SCN1A: variants seen among roughly 807,000 people sequenced by gnomAD.
SCN1A encodes the protein sodium voltage-gated channel alpha subunit 1, also known as sodium channel protein type 1 subunit alpha.
In SCN1A, 13 loss-of-function variants were observed where a neutral mutation model predicts 193.7. The observed-to-expected ratio is 0.07, with a 90% confidence interval of 0.04 to 0.11. The LOEUF (loss-of-function observed/expected upper bound fraction) is 0.11, where lower values mean the gene tolerates loss of function less well. SCN1A is among the 10% of genes least tolerant of loss of function. The probability of loss-of-function intolerance (pLI) is 1.00; values close to 1 mark genes in which losing one functional copy is unlikely to be tolerated. For missense variants in SCN1A, 1,432 were observed against 2,451.1 expected, an observed-to-expected ratio of 0.58 and a Z score of 8.78; for synonymous variants, 781 against 843.6, an observed-to-expected ratio of 0.93 and a Z score of 1.29.
At chr2:166,016,949 A>C (rs1370466009) in intron 19 of SCN1A, among the ~76,000 whole-genome samples, 4 of 151,158 alleles carry the variant, frequency 2.6e-5, no homozygotes, top group Non-Finnish European at 4.4e-5. Context: ...ATTTCAGTAA[A>C]AGTTTCACCG....
chr2:166,030,484 T>C (rs1695419378), intron 19 of SCN1A, among the ~76,000 whole-genome samples: 1 of 148,160 alleles, frequency 6.7e-6, no homozygotes. Flanking sequence ...ATAATTACTT[T>C]AGTAATGTGC....
chr2:166,135,842 T>C (rs963946892), intron 1 of SCN1A, among the ~76,000 whole-genome samples: 1 of 152,328 alleles, frequency 6.6e-6, no homozygotes. Context: ...GCTTCTGGGA[T>C]TGCCCCTATT....
At chr2:166,008,870 AT>A (rs1208657207) in intron 23 of SCN1A, among the ~76,000 whole-genome samples, 3 of 150,876 alleles carry the variant, frequency 2.0e-5, no homozygotes, top group African/African-American at 7.3e-5. Context: ...AGCAGAACTA[AT>A]TTTTTATATT....
At position 166,036,469 on chromosome 2, in the gene SCN1A, G is replaced by A. The variant is rs1343188948; in HGVS notation, c.3008C>T (p.Thr1003Ile). The change falls in exon 19 of 29, where the codon ACT becomes ATT. Residue 1003 changes from threonine to isoleucine, a missense_variant. By Grantham distance (89) the Thr-to-Ile change is moderately conservative. This residue lies in a region of SCN1A where 13 missense variants were observed against 20.6 expected (regional missense o/e 0.63). Transcript: ENST00000674923. ...ATTATTCATTTCATTATCATCATCAGTGGCTGCAAGGTTGTCTGCACTAAA... is the reference window on the plus strand; with the variant it reads ...ATTATTCATTTCATTATCATCATCAATGGCTGCAAGGTTGTCTGCACTAAA... ...SSFSADNLAA[T>I]DDDNEMNNLQ... is the part of the protein sequence containing the mutation. The A allele has an allele frequency of 9.9e-6, 16 of 1,611,606 alleles. No homozygotes were observed. Among genetic ancestry groups the A allele is most frequent in the Non-Finnish European group, 1.4e-5 (16 of 1,179,332 alleles).
At position 166,061,249 on chromosome 2, in the gene SCN1A, A is replaced by G. The variant is rs78509374; in HGVS notation, c.265-2561T>C. 5.3e-3 allele frequency among the ~76,000 whole-genome samples: 803 copies of G among 152,280 alleles called. 5 individuals are homozygous for G. The highest frequency in any genetic ancestry group is 0.013 in the East Asian group (69 of 5,176). ...ACCAAAACAGAAAAGACAGACAAGG[A>G]GTGGTAAAGTAAAAGGCAAAGCTAG... On this transcript the variant is annotated intron_variant, in intron 4 of 28. Coordinates refer to ENST00000674923, the MANE Select transcript of SCN1A (RefSeq NM_001165963.4).
At position 166,039,503 on chromosome 2, in the gene SCN1A, C is replaced by T. The variant is rs779561135; in HGVS notation, c.2509G>A (p.Gly837Ser). 2.4e-5 allele frequency: 39 copies of T among 1,613,180 alleles called. No individual in the cohort carries two copies. The highest frequency in any genetic ancestry group is 1.1e-4 in the South Asian group (10 of 91,060). Residue 837 changes from glycine to serine, a missense_variant, in exon 17 of 29, where the codon GGT (glycine) becomes AGT (serine). Coordinates refer to ENST00000674923, the MANE Select transcript of SCN1A (RefSeq NM_001165963.4). The part of the protein sequence containing the change: ...YFQEGWNIFD[G>S]FIVTLSLVEL... ...ACCAGGCTAAGCGTCACAATAAAAC[C>T]GTCAAAGATATTCCAGCCTTCTTGG...
At chr2:166,025,523 C>CA (rs2105718127) in intron 19 of SCN1A, among the ~76,000 whole-genome samples, 1 of 152,324 alleles carries the variant, frequency 6.6e-6, no homozygotes, top group South Asian at 2.1e-4. Flanking sequence ...CACCCAGCAT[C>CA]ATCCCCCTTT....
At chr2:166,086,246 C>T (rs1559307160) in intron 2 of SCN1A, among the ~76,000 whole-genome samples, 1 of 152,146 alleles carries the variant, frequency 6.6e-6, no homozygotes, top group Non-Finnish European at 1.5e-5. Context: ...GACTCCCCCA[C>T]TGACATGGAC....
At chr2:166,070,538 G>A (rs1394623524) in intron 4 of SCN1A, among the ~76,000 whole-genome samples, 1 of 152,102 alleles carries the variant, frequency 6.6e-6, no homozygotes, top group Non-Finnish European at 1.5e-5. Flanking sequence ...AGTTTATAAG[G>A]GTTTCCTCGA....
At chr2:166,120,604 T>C (rs867407384) in intron 2 of SCN1A, among the ~76,000 whole-genome samples, 3 of 52,044 alleles carry the variant, frequency 5.8e-5, no homozygotes, top group South Asian at 8.2e-4. Context: ...CTCTTTTTTT[T>C]TTTTTTTTTT....
At chr2:166,004,216 A>G (rs1453462619) in intron 23 of SCN1A, among the ~76,000 whole-genome samples, 2 of 151,590 alleles carry the variant, frequency 1.3e-5, no homozygotes, top group African/African-American at 4.8e-5. Flanking sequence ...CTTTCAGATT[A>G]GAGATTTGGA....
chr2:165,998,286 T>C (rs1690364897), intron 25 of SCN1A, 111 bp from the exon 26 acceptor site: 1 of 385,314 alleles, frequency 2.6e-6, no homozygotes, highest in Non-Finnish European at 4.1e-6. Flanking sequence ...TATGTCAGCA[T>C]TTTTTTTTTT....
At chr2:166,148,706 C>T (rs1311038955) in intron 1 of SCN1A, among the ~76,000 whole-genome samples, 1 of 152,278 alleles carries the variant, frequency 6.6e-6, no homozygotes, top group East Asian at 1.9e-4. Context: ...GGCAACGTAA[C>T]AGCCAAGAAC....
At chr2:166,097,144 C>T (rs1456660698) in intron 2 of SCN1A, among the ~76,000 whole-genome samples, 1 of 151,958 alleles carries the variant, frequency 6.6e-6, no homozygotes, top group Admixed American at 6.6e-5. Context: ...GGCTTAGCCT[C>T]CCAAGTAGCT....
rs988839741 is a variant in SCN1A, at chr2:165,986,988, A to T, written c.*4257T>A. On this transcript the variant is annotated 3_prime_UTR_variant, in exon 29 of 29. Coordinates refer to ENST00000674923, the MANE Select transcript of SCN1A (RefSeq NM_001165963.4). Reference sequence around the variant, plus strand: ...TAATAAACAGTCCATATTCAAATTTATTCAACTTTCCCAATAATATTATTT... The same window carrying T: ...TAATAAACAGTCCATATTCAAATTTTTTCAACTTTCCCAATAATATTATTT... The T allele has an allele frequency of 6.6e-6, 1 of 152,128 alleles. No individual in the cohort carries two copies. The highest frequency in any genetic ancestry group is 2.4e-5 in the African/African-American group (1 of 41,444). The allele number at this position is 152,128 out of a possible 1,614,324, so 9.4% of individuals were successfully genotyped here. A position where few individuals can be genotyped will look rare whatever the true frequency, so the allele number is the denominator to read the frequency against.
upstream of SCN1A, among the ~76,000 whole-genome samples, chr2:166,130,898 A>T (rs1274932893): frequency 2.0e-5 from 3 of 152,156 alleles, no homozygotes; most frequent in African/African-American, 4.8e-5. Flanking sequence ...TGCACTTAAA[A>T]TCACATATTT....
intron 20 of SCN1A, among the ~76,000 whole-genome samples, chr2:166,014,450 A>G (rs1692974051): frequency 6.6e-6 from 1 of 151,572 alleles, no homozygotes; most frequent in Non-Finnish European, 1.5e-5. Context: ...CCTTCCTCAC[A>G]CATTGCTTTC....
chr2:166,034,413 A>G (rs1696062217), intron 19 of SCN1A, among the ~76,000 whole-genome samples: 1 of 152,214 alleles, frequency 6.6e-6, no homozygotes, highest in African/African-American at 2.4e-5. Flanking sequence ...TCCATGGACA[A>G]CTATCAAAAT....
intron 2 of SCN1A, among the ~76,000 whole-genome samples, chr2:166,112,008 C>G (rs1240334223): frequency 6.6e-6 from 1 of 152,140 alleles, no homozygotes; most frequent in Non-Finnish European, 1.5e-5. Context: ...GGTGAAGATG[C>G]TGAGGACATT....
Sources: gnomAD v4.1 joint callset for allele counts (sites outside exome capture counted in the v4.1 genomes callset) on GRCh38, gnomAD v4.1.1 for gene constraint, gnomAD v4.1.1 regional missense constraint, MANE v1.5 for transcripts, NCBI Gene and HGNC (gene_info 2026-07-23, HGNC 2026-07-21) for gene names.